The following SERPINB8 variants were observed in gnomAD, a reference collection of about 807,000 sequenced individuals.
SERPINB8 encodes the protein serpin B8.
In SERPINB8, 25 loss-of-function variants were observed where a neutral mutation model predicts 35.3. The observed-to-expected ratio is 0.71, with a 90% CI of 0.52 to 0.99. SERPINB8 has a LOEUF of 0.99. Ranked by LOEUF, SERPINB8 falls within the 50% of genes least tolerant of loss-of-function variation. The pLI is 0.00. For missense variants in SERPINB8, 484 were observed against 446.5 expected (o/e 1.08, Z -0.76); for synonymous variants, 186 against 160.8 (o/e 1.16, Z -1.19).
intron 1 of SERPINB8, among the ~76,000 whole-genome samples, chr18:63,997,709 G>A (rs2050856864): frequency 6.6e-6 from 1 of 152,200 alleles, no homozygotes; most frequent in South Asian, 2.1e-4. Context: ...GTAGTTAATG[G>A]TCTGAACATT....
chr18:63,982,501 T>C (rs1366369539), intron 4 of SERPINB8, among the ~76,000 whole-genome samples: 1 of 152,200 alleles, frequency 6.6e-6, no homozygotes, highest in Non-Finnish European at 1.5e-5. Context: ...GGTGGAGGAA[T>C]TAAGTCACTT....
downstream of SERPINB8, among the ~76,000 whole-genome samples, chr18:63,990,971 A>T (rs1599160271): frequency 6.6e-6 from 1 of 152,316 alleles, no homozygotes; most frequent in Non-Finnish European, 1.5e-5. Flanking sequence ...CATATGATGA[A>T]AATGCTATCC....
At chr18:64,002,216 C>T (rs143419773) in intron 1 of SERPINB8, among the ~76,000 whole-genome samples, 211 of 152,250 alleles carry the variant, frequency 1.4e-3, no homozygotes, top group African/African-American at 4.8e-3. Flanking sequence ...CACTTAGCAC[C>T]GTGGCTCCAG....
chr18:63,978,520 T>A, intron 2 of SERPINB8, 44 bp downstream of exon 2: 2 of 1,602,132 alleles, frequency 1.2e-6, no homozygotes, highest in Non-Finnish European at 1.7e-6. Context: ...TGTGTTTCCC[T>A]TGTGCTTCCA....
intron 1 of SERPINB8, among the ~76,000 whole-genome samples, chr18:63,974,770 A>G (rs1478865745): frequency 2.0e-5 from 3 of 152,202 alleles, no homozygotes; most frequent in Non-Finnish European, 4.4e-5. Context: ...CCAGGAAGAC[A>G]GGGGGAAGAG....
intron 1 of SERPINB8, chr18:63,970,452 C>G (rs1005200423): frequency 2.5e-5 from 4 of 157,670 alleles, no homozygotes; most frequent in African/African-American, 7.2e-5. Flanking sequence ...AACAGGTGCG[C>G]CCAGACCCGC....
chr18:64,003,944 G>T (rs2144844018), intron 1 of SERPINB8, among the ~76,000 whole-genome samples: 1 of 152,212 alleles, frequency 6.6e-6, no homozygotes, highest in East Asian at 1.9e-4. Context: ...GGCATCCTGT[G>T]GCCCAGAAAA....
intron 7 of SERPINB8, among the ~76,000 whole-genome samples, chr18:64,014,977 T>C (rs2050942938): frequency 6.6e-6 from 1 of 152,168 alleles, no homozygotes; most frequent in South Asian, 2.1e-4. Context: ...TTTTGGGCCT[T>C]TTTATCTTTT....
rs143156819 is a variant in SERPINB8, at chr18:63,979,601, A to G, written c.169-200A>G. 1.8e-4 allele frequency among the ~76,000 whole-genome samples: 27 copies of G among 152,324 alleles called. No homozygotes were observed. In the East Asian group the frequency reaches 3.3e-3, roughly 19 times the overall value. On this transcript the variant is annotated intron_variant, in intron 2 of 6. Coordinates refer to ENST00000397985, the MANE Select transcript of SERPINB8 (RefSeq NM_002640.4). ...GTGCTGCAAAAATCCTACAATGCTT[A>G]TATGAGACAAGGAAGTGTCCTGGCC... is the stretch of plus-strand genomic sequence containing the variant.
intron 1 of SERPINB8, among the ~76,000 whole-genome samples, chr18:63,999,024 C>T (rs938415606): frequency 2.0e-5 from 3 of 152,180 alleles, no homozygotes; most frequent in Admixed American, 2.0e-4. Flanking sequence ...GCTCATGGCA[C>T]GGGACAGACT....
At chr18:64,012,738 C>T (rs1431060616) in intron 7 of SERPINB8, among the ~76,000 whole-genome samples, 1 of 151,980 alleles carries the variant, frequency 6.6e-6, no homozygotes, top group Non-Finnish European at 1.5e-5. Context: ...TCCACAGCTC[C>T]TTGTAAATTT....
intron 1 of SERPINB8, among the ~76,000 whole-genome samples, chr18:63,997,835 T>G (rs1164800912): frequency 1.3e-5 from 2 of 152,202 alleles, no homozygotes; most frequent in Non-Finnish European, 2.9e-5. Context: ...TCCTTGTGGG[T>G]GCTCACCAGA....
chr18:63,975,601 T>A (rs1234712947), intron 1 of SERPINB8, among the ~76,000 whole-genome samples: 1 of 152,172 alleles, frequency 6.6e-6, no homozygotes, highest in Non-Finnish European at 1.5e-5. Context: ...ACCCTAACCC[T>A]ACTTGTTTTT....
At chr18:64,001,838 C>T (rs1245151324) in intron 1 of SERPINB8, among the ~76,000 whole-genome samples, 1 of 152,154 alleles carries the variant, frequency 6.6e-6, no homozygotes, top group African/African-American at 2.4e-5. Flanking sequence ...CACCCTAATC[C>T]AGGCTCAAGT....
At chr18:64,000,335 T>C (rs1221518200) in intron 1 of SERPINB8, among the ~76,000 whole-genome samples, 1 of 152,194 alleles carries the variant, frequency 6.6e-6, no homozygotes, top group Non-Finnish European at 1.5e-5. Context: ...GCAAATTCCA[T>C]TTATTTAGGA....
intron 1 of SERPINB8, among the ~76,000 whole-genome samples, chr18:63,975,656 A>G (rs773817795): frequency 3.3e-5 from 5 of 152,268 alleles, no homozygotes; most frequent in African/African-American, 7.2e-5. Context: ...AAGAATTTGC[A>G]CTGCTTTAGA....
chr18:63,993,525 G>A (rs192363457), downstream of SERPINB8, among the ~76,000 whole-genome samples: 1 of 152,194 alleles, frequency 6.6e-6, no homozygotes, highest in African/African-American at 2.4e-5. Context: ...TGTATATTCT[G>A]CTGTTTTGGG....
intron 1 of SERPINB8, among the ~76,000 whole-genome samples, chr18:64,001,172 A>C (rs762556839): frequency 6.6e-6 from 1 of 152,196 alleles, no homozygotes; most frequent in Non-Finnish European, 1.5e-5. Context: ...TCTTGTAGAC[A>C]GTATATGTTT....
At chr18:63,983,118 T>C (rs1038960638) in intron 4 of SERPINB8, among the ~76,000 whole-genome samples, 9 of 152,148 alleles carry the variant, frequency 5.9e-5, no homozygotes, top group African/African-American at 2.2e-4. Context: ...TGGGAAGAAA[T>C]GCTGCTGGCT....
Sources: gnomAD v4.1 joint callset for allele counts (sites outside exome capture counted in the v4.1 genomes callset) on GRCh38, gnomAD v4.1.1 for gene constraint, MANE v1.5 for transcripts, NCBI Gene and HGNC (gene_info 2026-07-23, HGNC 2026-07-21) for gene names.